The following FNBP1 variants were observed in gnomAD, a reference collection of about 807,000 sequenced individuals.
FNBP1 encodes formin binding protein 1.
In FNBP1, 26 loss-of-function variants were observed where a neutral mutation model predicts 90.6. That is an observed-to-expected ratio of 0.29 (90% CI 0.21 to 0.40). The LOEUF (loss-of-function observed/expected upper bound fraction) is 0.40. Ranked by LOEUF, FNBP1 falls within the 10% of genes least tolerant of loss-of-function variation. FNBP1 has a pLI of 1.00. For missense variants in FNBP1, 635 were observed against 768.0 expected (o/e 0.83, Z 2.05); for synonymous variants, 260 against 265.2 (o/e 0.98, Z 0.19).
At chr9:129,906,173 G>A (rs554938559) in intron 12 of FNBP1, among the ~76,000 whole-genome samples, 11 of 152,148 alleles carry the variant, frequency 7.2e-5, no homozygotes, top group African/African-American at 1.7e-4. Context: ...ATGAGCCACC[G>A]CGCCTGGCCA....
chr9:129,929,689 G>T lies in FNBP1; in HGVS notation c.520C>A (p.Gln174Lys). The T allele has an allele frequency of 6.2e-7, 1 of 1,613,934 alleles. No individual in the cohort carries two copies. Among genetic ancestry groups the T allele is most frequent in the Non-Finnish European group, 8.5e-7 (1 of 1,179,844 alleles). Residue 174 changes from glutamine (Q) to lysine (K), a missense_variant, in exon 7 of 17, where the codon CAA becomes AAA. Gln to Lys is a moderately conservative substitution (Grantham distance 53, BLOSUM62 1). Coordinates refer to ENST00000446176, the MANE Select transcript of FNBP1 (RefSeq NM_015033.3). ...VTKADVEKAR[Q>K]QAQIRHQMAE... is the part of the protein sequence containing the mutation. Reference sequence around the variant, plus strand: ...ATTTGGTGACGTATTTGAGCTTGTTGTCGGGCCTTAGGGCAAAAACAAGAA... The same window carrying T: ...ATTTGGTGACGTATTTGAGCTTGTTTTCGGGCCTTAGGGCAAAAACAAGAA...
Position 129,887,444 on chromosome 9 carries a change from G to GA in FNBP1, c.*3094dup, listed in dbSNP as rs1588303043. The GA allele has an allele frequency of 5.0e-6, 1 of 200,668 alleles. No homozygotes were observed. The highest frequency in any genetic ancestry group is 7.7e-5 in the East Asian group (1 of 12,968). The allele number at this position is 200,668 out of a possible 1,614,324, so 12.4% of individuals were successfully genotyped here. ...TCTGGACCTTTTTAAAAAGTTTTTGGATGATATAAGCACAGGAGGCAGAGC... is the reference window on the plus strand; with the variant it reads ...TCTGGACCTTTTTAAAAAGTTTTTGGAATGATATAAGCACAGGAGGCAGAGC... On this transcript the variant is annotated 3_prime_UTR_variant, in exon 17 of 17. Coordinates refer to ENST00000446176, the MANE Select transcript of FNBP1 (RefSeq NM_015033.3).
rs551467495 is a variant in FNBP1 at position 129,924,120 on chromosome 9, G to T, written c.988-94C>A. 9 of 1,278,220 alleles carry T rather than the reference G, an allele frequency of 7.0e-6. No homozygotes were observed. The Admixed American group carries it at 1.0e-4, about 14-fold the overall frequency. 79.2% of individuals were successfully genotyped at this position (1,278,220 alleles called of 1,614,324 possible). ...CATCAAATAATATTTGAAATCCAAC[G>T]CAAGTAAAACACAAACAATTAAATT... On this transcript the variant is annotated intron_variant, in intron 9 of 16. Coordinates refer to ENST00000446176, the MANE Select transcript of FNBP1 (RefSeq NM_015033.3).
chr9:129,978,586 G>C lies in FNBP1; in HGVS notation c.224C>G (p.Ser75Cys), dbSNP rs1011940955. Residue 75 changes from serine (S) to cysteine (C), a missense_variant, in exon 4 of 17, where the codon TCC becomes TGC. Physicochemically the swap from Ser to Cys is moderately radical, Grantham distance 112. Transcript: ENST00000446176. ...GTAATCATTCATTTCGTTCAGGTTG[G>C]AAATGAAAGCTTTACATGACGTATA... The part of the protein sequence containing the change: ...YKYTSCKAFI[S>C]NLNEMNDYAG... 1.2e-6 allele frequency: 2 copies of C among 1,613,748 alleles called. No individual in the cohort carries two copies.
At chr9:129,895,263 T>C (rs1588335443) in intron 16 of FNBP1, 1 of 1,057,466 alleles carries the variant, frequency 9.5e-7, no homozygotes, top group Non-Finnish European at 1.1e-6. Flanking sequence ...ACACACACTT[T>C]TGGTGCCAAT....
intron 6 of FNBP1, among the ~76,000 whole-genome samples, chr9:129,952,844 C>T (rs935982281): frequency 3.3e-5 from 5 of 152,152 alleles, no homozygotes; most frequent in African/African-American, 1.2e-4. Flanking sequence ...TCACTGGCAA[C>T]ATCCCATAAA....
At chr9:129,962,610 T>C (rs1448543700) in intron 4 of FNBP1, among the ~76,000 whole-genome samples, 1 of 152,236 alleles carries the variant, frequency 6.6e-6, no homozygotes, top group Non-Finnish European at 1.5e-5. Context: ...GAATGTTTTC[T>C]TGTCTCTCTT....
intron 6 of FNBP1, among the ~76,000 whole-genome samples, chr9:129,930,911 A>G (rs897538480): frequency 1.3e-5 from 2 of 152,252 alleles, no homozygotes; most frequent in African/African-American, 4.8e-5. Flanking sequence ...GCAGTAAGCC[A>G]GAAACACAAC....
intron 15 of FNBP1, among the ~76,000 whole-genome samples, chr9:129,898,646 C>T (rs549788099): frequency 3.9e-5 from 6 of 152,256 alleles, no homozygotes; most frequent in South Asian, 2.1e-4. Context: ...TGCGCTACCA[C>T]GCTTAGCTGA....
At chr9:129,946,950 C>T (rs2045387157) in intron 6 of FNBP1, among the ~76,000 whole-genome samples, 1 of 152,188 alleles carries the variant, frequency 6.6e-6, no homozygotes, top group Non-Finnish European at 1.5e-5. Context: ...CATCCCAATA[C>T]CACACTAAAC....
intron 11 of FNBP1, among the ~76,000 whole-genome samples, chr9:129,910,338 T>G (rs1000675894): frequency 6.6e-6 from 1 of 151,838 alleles, no homozygotes; most frequent in African/African-American, 2.4e-5. Context: ...AAAAACTAGC[T>G]GGGCGTGGTG....
At chr9:129,965,125 CTAAGCGGCGTGG>C (rs980939593) in intron 4 of FNBP1, among the ~76,000 whole-genome samples, 3 of 152,196 alleles carry the variant, frequency 2.0e-5, no homozygotes, top group African/African-American at 4.8e-5. Context: ...AGCTAGAACT[CTAAGCGGCGTGG>C]ATATTTCTAT....
At chr9:129,960,551 G>C (rs904969728) in intron 4 of FNBP1, among the ~76,000 whole-genome samples, 1 of 152,126 alleles carries the variant, frequency 6.6e-6, no homozygotes, top group African/African-American at 2.4e-5. Flanking sequence ...CAAAGGCCCT[G>C]AGGCAGGCTC....
intron 1 of FNBP1, among the ~76,000 whole-genome samples, chr9:130,025,188 A>G (rs2058227656): frequency 6.6e-6 from 1 of 152,084 alleles, no homozygotes; most frequent in African/African-American, 2.4e-5. Flanking sequence ...TCAAAAAAAA[A>G]AATAGTCCCT....
intron 6 of FNBP1, among the ~76,000 whole-genome samples, chr9:129,951,333 CT>C (rs1288747066): frequency 6.6e-6 from 1 of 151,588 alleles, no homozygotes; most frequent in East Asian, 1.9e-4. Context: ...GCCTCCAGCA[CT>C]CTTCCTGCCT....
chr9:129,960,049 A>AT (rs1283627547), intron 4 of FNBP1, among the ~76,000 whole-genome samples: 1 of 151,938 alleles, frequency 6.6e-6, no homozygotes, highest in Non-Finnish European at 1.5e-5. Context: ...GCTATCCCAC[A>AT]TTTTGTTTAT....
chr9:129,893,630 A>AAAAAAAAAAAAAAAAAC, intron 16 of FNBP1, among the ~76,000 whole-genome samples: 1 of 136,954 alleles, frequency 7.3e-6, no homozygotes, highest in Non-Finnish European at 1.6e-5. Flanking sequence ...AAAAAAAAAA[A>AAAAAAAAAAAAAAAAAC]AAAAAAAGCC....
intron 2 of FNBP1, among the ~76,000 whole-genome samples, chr9:129,981,023 C>T (rs1182652505): frequency 2.1e-5 from 3 of 145,786 alleles, no homozygotes; most frequent in South Asian, 4.4e-4. Flanking sequence ...TGCACTCCAG[C>T]CTGGGCAACA....
rs759327721 is a variant in FNBP1, at chr9:129,889,679, G to T, written c.*860C>A. On this transcript the variant is annotated 3_prime_UTR_variant, in exon 17 of 17. Coordinates refer to ENST00000446176, the MANE Select transcript of FNBP1 (RefSeq NM_015033.3). The stretch of plus-strand genomic sequence containing the variant: ...GTTCGCTTTGCAATGAGCTGGTGCA[G>T]AGGGGAGGGCCTCGCTCACAAGCGC... 63 of 231,448 alleles carry T rather than the reference G, an allele frequency of 2.7e-4. No homozygotes were observed. The highest frequency in any genetic ancestry group is 4.8e-4 in the Non-Finnish European group (56 of 116,960). The allele number at this position is 231,448 out of a possible 1,614,324, so 14.3% of individuals were successfully genotyped here. A position where few individuals can be genotyped will look rare whatever the true frequency, so the allele number is the denominator to read the frequency against.
Sources: allele counts gnomAD v4.1 joint callset (sites outside exome capture counted in the v4.1 genomes callset), GRCh38; gene constraint gnomAD v4.1.1; transcripts MANE v1.5; gene names NCBI Gene and HGNC (gene_info 2026-07-23, HGNC 2026-07-21).